The following CALN1 variants were observed in gnomAD, a reference collection of about 807,000 sequenced individuals.
CALN1 encodes calcium-binding protein 8.
A neutral mutation model predicts 30.6 loss-of-function variants in CALN1; 17 were observed. The observed-to-expected ratio is 0.56, with a 90% CI of 0.38 to 0.83. The LOEUF (loss-of-function observed/expected upper bound fraction) is 0.83, where lower values mean the gene tolerates loss of function less well. CALN1 is among the 40% of genes least tolerant of loss of function. The pLI is 0.00. For missense variants in CALN1, 291 were observed against 354.9 expected, an observed-to-expected ratio of 0.82 and a Z score of 1.45; for synonymous variants, 156 against 131.4, an observed-to-expected ratio of 1.19 and a Z score of -1.28.
rs868202444 is a variant in CALN1, at chr7:72,040,608, G to A, written c.389-16839C>T. On this transcript the variant is annotated intron_variant, in intron 4 of 6. Coordinates refer to ENST00000395275, the MANE Select transcript of CALN1 (RefSeq NM_031468.4). Reference sequence around the variant, plus strand: ...TGTATTTGGAGACAAGGCCTTTAAGGAAGAAATTAAGGTTAAATTGTCTCA... The same window carrying A: ...TGTATTTGGAGACAAGGCCTTTAAGAAAGAAATTAAGGTTAAATTGTCTCA... Among the ~76,000 whole-genome samples, 49 of 152,316 alleles carry A rather than the reference G, an allele frequency of 3.2e-4. No homozygotes were observed. The Middle Eastern group carries it at 0.02, about 63-fold the overall frequency.
Position 72,236,802 on chromosome 7 carries a change from A to G in CALN1, c.244+41884T>C, listed in dbSNP as rs1794500494. Reference sequence around the variant, plus strand: ...TTTGTGACTATCTGTCACATGGAAAAGACTCAAGACATGTTGGTTATTATT... The same window carrying G: ...TTTGTGACTATCTGTCACATGGAAAGGACTCAAGACATGTTGGTTATTATT... On this transcript the variant is annotated intron_variant, in intron 3 of 6. Coordinates refer to ENST00000395275, the MANE Select transcript of CALN1 (RefSeq NM_031468.4). 2.0e-5 allele frequency among the ~76,000 whole-genome samples: 3 copies of G among 152,280 alleles called. No individual in the cohort carries two copies. In the South Asian group the frequency reaches 6.2e-4, roughly 32 times the overall value.
At chr7:71,959,288 A>T (rs7783325) in intron 5 of CALN1, among the ~76,000 whole-genome samples, 48,881 of 152,084 alleles carry the variant, frequency 0.32, 8,103 homozygotes, top group South Asian at 0.43. Context: ...CAACATTGTG[A>T]TCAGTTCTGA....
At chr7:71,800,973 C>T (rs907581126) in intron 6 of CALN1, among the ~76,000 whole-genome samples, 1 of 152,038 alleles carries the variant, frequency 6.6e-6, no homozygotes, top group Non-Finnish European at 1.5e-5. Flanking sequence ...CTCCCATTGC[C>T]CCCTGACAGG....
At chr7:72,360,950 C>G (rs1803535068) in intron 2 of CALN1, among the ~76,000 whole-genome samples, 1 of 151,948 alleles carries the variant, frequency 6.6e-6, no homozygotes, top group Non-Finnish European at 1.5e-5. Context: ...TGGTCTCGAA[C>G]TCCTGACCTC....
chr7:72,264,493 A>T (rs1796482512), intron 3 of CALN1, among the ~76,000 whole-genome samples: 1 of 133,844 alleles, frequency 7.5e-6, no homozygotes, highest in African/African-American at 2.8e-5. Flanking sequence ...AATAATAAGC[A>T]GGATTTTTTT....
At chr7:72,376,781 C>G (rs1804583318) in intron 2 of CALN1, among the ~76,000 whole-genome samples, 1 of 152,132 alleles carries the variant, frequency 6.6e-6, no homozygotes, top group Non-Finnish European at 1.5e-5. Flanking sequence ...AAATTGCTGC[C>G]TAACCCAAGT....
At chr7:72,071,484 A>G (rs2129538125) in intron 4 of CALN1, among the ~76,000 whole-genome samples, 1 of 150,112 alleles carries the variant, frequency 6.7e-6, no homozygotes, top group South Asian at 2.1e-4. Flanking sequence ...AAGCAATCAC[A>G]CATACAGGAG....
intron 3 of CALN1, among the ~76,000 whole-genome samples, chr7:72,177,602 C>G (rs1283607788): frequency 6.6e-6 from 1 of 151,506 alleles, no homozygotes; most frequent in Non-Finnish European, 1.5e-5. Flanking sequence ...TCATCTCTAC[C>G]AAAAATACAA....
At chr7:72,186,747 C>CT (rs1489103323) in intron 3 of CALN1, among the ~76,000 whole-genome samples, 1 of 152,066 alleles carries the variant, frequency 6.6e-6, no homozygotes, top group Non-Finnish European at 1.5e-5. Context: ...TGATTTTGTC[C>CT]TTTTTTACAG....
chr7:72,305,127 T>A (rs1799563253), intron 2 of CALN1, among the ~76,000 whole-genome samples: 3 of 152,208 alleles, frequency 2.0e-5, no homozygotes, highest in Non-Finnish European at 4.4e-5. Flanking sequence ...CAGCTGGCTG[T>A]GTCAGCCAGG....
At chr7:71,906,549 G>T (rs1794146188) in intron 5 of CALN1, among the ~76,000 whole-genome samples, 1 of 152,172 alleles carries the variant, frequency 6.6e-6, no homozygotes, top group African/African-American at 2.4e-5. Flanking sequence ...TGACAAAAAT[G>T]GAGCAGGCAT....
At chr7:71,831,020 C>CTAAG (rs1160770943) in intron 5 of CALN1, among the ~76,000 whole-genome samples, 1 of 152,064 alleles carries the variant, frequency 6.6e-6, no homozygotes, top group Non-Finnish European at 1.5e-5. Flanking sequence ...AATGAATCAC[C>CTAAG]TAAGTTCTCT....
In CALN1 at chr7:72,373,251, T is replaced by C. The variant is rs377478999; in HGVS notation, c.119+30000A>G. ...TTTGGGAAAAAATGTGCACAGAGCC[T>C]CAGGGGCCTGTGGAAAAATTCCAAT... On this transcript the variant is annotated intron_variant, in intron 2 of 6. Coordinates refer to ENST00000395275, the MANE Select transcript of CALN1 (RefSeq NM_031468.4). Among the ~76,000 whole-genome samples the C allele has an allele frequency of 9.2e-5, 14 of 152,236 alleles. No homozygotes were observed. The East Asian group carries it at 2.5e-3, about 27-fold the overall frequency.
chr7:72,330,488 A>G (rs1186410888), intron 2 of CALN1, among the ~76,000 whole-genome samples: 1 of 141,090 alleles, frequency 7.1e-6, no homozygotes, highest in Non-Finnish European at 1.5e-5. Flanking sequence ...AAAAAAAAAG[A>G]GAGAGAGACC....
intron 1 of CALN1, among the ~76,000 whole-genome samples, chr7:72,404,567 C>T (rs1806573581): frequency 6.6e-6 from 1 of 152,214 alleles, no homozygotes; most frequent in Non-Finnish European, 1.5e-5. Flanking sequence ...CTACACATTG[C>T]AGCAGGCAAT....
At chr7:72,155,199 C>T (rs1167145770) in intron 3 of CALN1, among the ~76,000 whole-genome samples, 6 of 152,192 alleles carry the variant, frequency 3.9e-5, no homozygotes, top group Admixed American at 3.9e-4. Context: ...GAAAGAGAGG[C>T]TTCACCAGAA....
At chr7:72,316,270 T>G (rs1800438866) in intron 2 of CALN1, among the ~76,000 whole-genome samples, 2 of 151,970 alleles carry the variant, frequency 1.3e-5, no homozygotes, top group Non-Finnish European at 2.9e-5. Flanking sequence ...TATGATGAAT[T>G]CGTTGAAAAT....
At chr7:72,442,070 C>T (rs996143940) in intron 1 of CALN1, among the ~76,000 whole-genome samples, 3 of 152,166 alleles carry the variant, frequency 2.0e-5, no homozygotes, top group Non-Finnish European at 4.4e-5. Context: ...ACACAACTCA[C>T]CAACCCATCA....
chr7:72,188,396 T>G (rs964422818), intron 3 of CALN1, among the ~76,000 whole-genome samples: 2 of 152,206 alleles, frequency 1.3e-5, no homozygotes, highest in Non-Finnish European at 2.9e-5. Context: ...TTAATAGCAT[T>G]TGCAGCAACA....
Sources: gnomAD v4.1 joint callset for allele counts (sites outside exome capture counted in the v4.1 genomes callset) on GRCh38, gnomAD v4.1.1 for gene constraint, MANE v1.5 for transcripts, NCBI Gene and HGNC (gene_info 2026-07-23, HGNC 2026-07-21) for gene names.